UNC13C: variants seen among roughly 807,000 people sequenced by gnomAD.
UNC13C encodes unc-13 homolog C.
UNC13C carries 174 observed loss-of-function variants against 245.4 expected under a neutral mutation model. That is an observed-to-expected ratio of 0.71 (90% CI 0.63 to 0.80). The LOEUF (loss-of-function observed/expected upper bound fraction) is 0.80, where lower values mean the gene tolerates loss of function less well. Ranked by LOEUF, UNC13C falls within the 30% of genes least tolerant of loss-of-function variation. The pLI is 0.00. For synonymous variants in UNC13C, 992 were observed against 895.1 expected, an observed-to-expected ratio of 1.11 and a Z score of -1.93; for missense variants, 2,829 against 2,602.9, an observed-to-expected ratio of 1.09 and a Z score of -1.89.
intron 10 of UNC13C, among the ~76,000 whole-genome samples, chr15:54,285,024 T>C (rs2037105870): frequency 6.6e-6 from 1 of 152,134 alleles, no homozygotes; most frequent in South Asian, 2.1e-4. Context: ...TATAAGGTCA[T>C]ATTTTGCCCT....
chr15:54,136,482 C>T (rs1178374151), intron 2 of UNC13C, among the ~76,000 whole-genome samples: 1 of 152,084 alleles, frequency 6.6e-6, no homozygotes, highest in African/African-American at 2.4e-5. Flanking sequence ...GTTATTGTCA[C>T]CTGTAAACAG....
chr15:53,940,877 G>A, the UNC13C span, among the ~76,000 whole-genome samples: 1 of 152,128 alleles, frequency 6.6e-6, no homozygotes, highest in Non-Finnish European at 1.5e-5. Context: ...TCATGAAAAT[G>A]GCCTTACTGG....
At chr15:54,522,476 T>G (rs1339213161) in intron 24 of UNC13C, among the ~76,000 whole-genome samples, 1 of 150,878 alleles carries the variant, frequency 6.6e-6, no homozygotes, top group African/African-American at 2.5e-5. Context: ...AGATTCTGTC[T>G]CAAAAACAAA....
intron 17 of UNC13C, among the ~76,000 whole-genome samples, chr15:54,346,496 T>A (rs1283180666): frequency 6.6e-6 from 1 of 152,232 alleles, no homozygotes; most frequent in Non-Finnish European, 1.5e-5. Context: ...AAATTAAGAA[T>A]TCCAGCACTA....
chr15:54,625,175 C>T (rs1830639833), intron 32 of UNC13C, among the ~76,000 whole-genome samples: 1 of 152,134 alleles, frequency 6.6e-6, no homozygotes, highest in Non-Finnish European at 1.5e-5. Context: ...GGCAGCCCCA[C>T]AGGCAAAGAG....
At chr15:54,572,768 T>C (rs749846016) in intron 30 of UNC13C, among the ~76,000 whole-genome samples, 2 of 152,174 alleles carry the variant, frequency 1.3e-5, no homozygotes, top group Non-Finnish European at 2.9e-5. Context: ...GGGAAATTAC[T>C]GTTTCAAACT....
intron 10 of UNC13C, among the ~76,000 whole-genome samples, chr15:54,288,004 G>T (rs1276246902): frequency 6.6e-6 from 1 of 152,044 alleles, no homozygotes; most frequent in East Asian, 1.9e-4. Flanking sequence ...TTGGTTCTTT[G>T]TAGATCCTGG....
chr15:54,080,526 A>G (rs542253003), intron 2 of UNC13C, among the ~76,000 whole-genome samples: 1 of 151,894 alleles, frequency 6.6e-6, no homozygotes, highest in East Asian at 1.9e-4. Flanking sequence ...CAGGATTTCA[A>G]TTTCTTACTG....
intron 19 of UNC13C, among the ~76,000 whole-genome samples, chr15:54,433,960 C>T (rs1007526053): frequency 1.3e-5 from 2 of 152,090 alleles, no homozygotes; most frequent in South Asian, 2.1e-4. Context: ...AGAGCCAAGT[C>T]ATGAGTGAAC....
chr15:53,842,962 A>T, the UNC13C span, among the ~76,000 whole-genome samples: 2 of 150,516 alleles, frequency 1.3e-5, no homozygotes, highest in African/African-American at 4.9e-5. Flanking sequence ...TTGCAATTTA[A>T]AAATTAAAAT....
intron 7 of UNC13C, 57 bp downstream of exon 7, chr15:54,237,747 G>C (rs1403255898): frequency 7.3e-7 from 1 of 1,365,584 alleles, no homozygotes; most frequent in Non-Finnish European, 1.0e-6. Flanking sequence ...AATCACAAGG[G>C]AGAAACTGTT....
At chr15:54,079,883 G>T (rs58218756) in intron 2 of UNC13C, among the ~76,000 whole-genome samples, 23 of 151,762 alleles carry the variant, frequency 1.5e-4, no homozygotes, top group Non-Finnish European at 3.2e-4. Context: ...TCCTTGTCTC[G>T]TTCCAGGTTT....
intron 19 of UNC13C, among the ~76,000 whole-genome samples, chr15:54,464,825 T>TA: frequency 6.6e-6 from 1 of 152,052 alleles, no homozygotes; most frequent in African/African-American, 2.4e-5. Context: ...ATTAAGGACT[T>TA]ACAAATGGAA....
intron 2 of UNC13C, among the ~76,000 whole-genome samples, chr15:54,106,480 C>A (rs547968543): frequency 6.6e-6 from 1 of 152,164 alleles, no homozygotes; most frequent in Non-Finnish European, 1.5e-5. Context: ...AGAGGTTACA[C>A]AAAATGACTT....
chr15:54,609,529 T>C (rs1239643637), intron 30 of UNC13C: 3 of 152,210 alleles, frequency 2.0e-5, no homozygotes, highest in Admixed American at 6.5e-5. Flanking sequence ...TCTAGTTTTC[T>C]GGTTCTTTTT....
At chr15:54,570,439 TC>T (rs1386320225) in intron 30 of UNC13C, among the ~76,000 whole-genome samples, 5 of 152,170 alleles carry the variant, frequency 3.3e-5, no homozygotes, top group Admixed American at 1.3e-4. Context: ...TCTCTAAAAT[TC>T]TCTTCTCTAC....
intron 4 of UNC13C, among the ~76,000 whole-genome samples, chr15:54,185,166 T>C (rs1296593481): frequency 6.6e-6 from 1 of 151,692 alleles, no homozygotes; most frequent in Non-Finnish European, 1.5e-5. Flanking sequence ...ATTCTGGATA[T>C]TAGCCCTTTG....
chr15:54,338,523 C>T (rs1385412200), intron 17 of UNC13C, 34 bp downstream of exon 17: 1 of 1,604,128 alleles, frequency 6.2e-7, no homozygotes, highest in East Asian at 2.2e-5. Context: ...ATAATCGCCA[C>T]TTTTGTTTCT....
the UNC13C span, among the ~76,000 whole-genome samples, chr15:53,934,012 G>A: frequency 6.6e-6 from 1 of 152,188 alleles, no homozygotes; most frequent in Admixed American, 6.5e-5. Flanking sequence ...CCAGGCAACT[G>A]CATGGCTTCT....
Sources: gnomAD v4.1 joint callset for allele counts (sites outside exome capture counted in the v4.1 genomes callset) on GRCh38, gnomAD v4.1.1 for gene constraint, MANE v1.5 for transcripts, NCBI Gene and HGNC (gene_info 2026-07-23, HGNC 2026-07-21) for gene names.